CASZ1: variants seen among roughly 807,000 people sequenced by gnomAD.
CASZ1 encodes zinc finger protein castor homolog 1.
In CASZ1, 28 loss-of-function variants were observed where a neutral mutation model predicts 135.2. The ratio of observed to expected loss-of-function variants is 0.21; its 90% CI spans 0.15 to 0.28. The LOEUF is 0.28. Ranked by LOEUF, CASZ1 falls within the 10% of genes least tolerant of loss-of-function variation. CASZ1 has a pLI of 1.00. For missense variants in CASZ1, 2,161 were observed against 2,453.3 expected (o/e 0.88, Z 2.52); for synonymous variants, 1,068 against 1,073.4 (o/e 0.99, Z 0.10).
chr1:10,772,129 G>A (rs1270142996), intron 1 of CASZ1, among the ~76,000 whole-genome samples: 2 of 152,252 alleles, frequency 1.3e-5, no homozygotes, highest in Non-Finnish European at 2.9e-5. Flanking sequence ...GGCTTGGGCT[G>A]TTGTGAAACC....
rs990828536 is a variant in CASZ1, at chr1:10,666,568, C to T, written c.17-997G>A. On this transcript the variant is annotated intron_variant, in intron 4 of 20. Transcript: ENST00000377022. The surrounding 1 kb of genome is among the most constrained non-coding windows in gnomAD (Gnocchi z 5.2). ...CGCTTAGGTCCCTCACGGAACGCCC[C>T]GAAGCGCCGGTCACAGCACCTAATC... 2.6e-5 allele frequency among the ~76,000 whole-genome samples: 4 copies of T among 152,220 alleles called. No homozygotes were observed. The highest frequency in any genetic ancestry group is 4.1e-4 in the South Asian group (2 of 4,828).
chr1:10,705,705 C>T (rs963835282), intron 2 of CASZ1, 161 bp from the exon 3 acceptor site: 7 of 152,280 alleles, frequency 4.6e-5, no homozygotes, highest in East Asian at 1.9e-4. Context: ...TCAGGCATGC[C>T]GGGTGGGCTC....
In CASZ1 at chr1:10,684,683, C is replaced by G. The variant is rs375885785; in HGVS notation, c.16+9191G>C. On this transcript the variant is annotated intron_variant, in intron 4 of 20. Coordinates refer to ENST00000377022, the MANE Select transcript of CASZ1 (RefSeq NM_001079843.3). ...TGGTTGGTCATCCTATCGCGAGACA[C>G]CACGATGCTGACCACACAGTCTAAG... Among the ~76,000 whole-genome samples, 13 of 152,340 alleles carry G rather than the reference C, an allele frequency of 8.5e-5. No homozygotes were observed. The South Asian group carries it at 2.7e-3, about 32-fold the overall frequency.
At chr1:10,643,374 C>A in intron 18 of CASZ1, 63 bp from the exon 19 acceptor site, 1 of 1,559,024 alleles carries the variant, frequency 6.4e-7, no homozygotes, top group Non-Finnish European at 8.7e-7. Context: ...CTTCCAGGTC[C>A]TGTTGGGCAC....
rs1480483213 is a variant in CASZ1, at chr1:10,653,758, G to A, written c.2299C>T (p.Pro767Ser). ...ATEAGPSATK[P>S]PNSKISGLLP... ...AGCCCCGAGATCTTGCTGTTGGGAG[G>A]TTTGGTGGCACTGGGCCCAGCCTCG... Residue 767 changes from proline (P) to serine (S), a missense_variant, in exon 11 of 21, where the codon CCT becomes TCT. Around this residue, in one of 7 missense-constraint regions of CASZ1, gnomAD observed 406 missense variants for 387.6 expected, o/e 1.05. Transcript: ENST00000377022. The A allele has an allele frequency of 6.2e-7, 1 of 1,610,956 alleles. No homozygotes were observed. Among genetic ancestry groups the A allele is most frequent in the Admixed American group, 1.7e-5 (1 of 59,784 alleles).
chr1:10,758,489 A>C (rs1640302542), intron 2 of CASZ1, among the ~76,000 whole-genome samples: 1 of 151,948 alleles, frequency 6.6e-6, no homozygotes, highest in East Asian at 1.9e-4. Flanking sequence ...GCACCACTAT[A>C]CACGGCTAAT....
chr1:10,763,389 C>T (rs571921249), intron 1 of CASZ1, among the ~76,000 whole-genome samples: 7 of 152,306 alleles, frequency 4.6e-5, no homozygotes, highest in South Asian at 2.1e-4. Context: ...CCCTAGGTTC[C>T]GTCCCCTCAC....
chr1:10,714,463 C>T (rs1266558095), intron 2 of CASZ1, among the ~76,000 whole-genome samples: 4 of 152,240 alleles, frequency 2.6e-5, no homozygotes, highest in African/African-American at 4.8e-5. Context: ...CCTTCCACTA[C>T]GCCAGAGCCT....
rs1198790815 is a variant in CASZ1 at position 10,694,603 on chromosome 1, C to CCGT, written c.-23-692_-23-691insACG. 5 of 142,132 alleles carry CCGT rather than the reference C, an allele frequency of 3.5e-5. No individual in the cohort carries two copies. Among genetic ancestry groups the CCGT allele is most frequent in the Non-Finnish European group, 7.6e-5 (5 of 66,082 alleles). 8.8% of individuals were successfully genotyped at this position (142,132 alleles called of 1,614,324 possible). On this transcript the variant is annotated intron_variant, in intron 3 of 20. Coordinates refer to ENST00000377022, the MANE Select transcript of CASZ1 (RefSeq NM_001079843.3). The surrounding 1 kb of genome is among the most constrained non-coding windows in gnomAD (Gnocchi z 6.6). ...CGCGGCCCCGCCGCCGCCGCCGCCG[C>CCGT]CGCCGCCGCCGCCGCCGCCCGGTGC...
intron 1 of CASZ1, among the ~76,000 whole-genome samples, chr1:10,764,622 G>A (rs1640439373): frequency 6.6e-6 from 1 of 152,216 alleles, no homozygotes; most frequent in Admixed American, 6.5e-5. Flanking sequence ...GGCCTGGGCT[G>A]ACAGGCTCCA....
chr1:10,677,278 A>G (rs1321548753), intron 4 of CASZ1, among the ~76,000 whole-genome samples: 1 of 152,018 alleles, frequency 6.6e-6, no homozygotes, highest in Non-Finnish European at 1.5e-5. Context: ...GCCTCGCTGG[A>G]GCAGGAGGGG....
At chr1:10,691,783 G>C (rs183159093) in intron 4 of CASZ1, among the ~76,000 whole-genome samples, 99 of 152,312 alleles carry the variant, frequency 6.5e-4, no homozygotes, top group Admixed American at 3.9e-3. Context: ...TTGGTGAAGT[G>C]GGGGGAAGAC....
At chr1:10,673,455 G>A (rs746830299) in intron 4 of CASZ1, among the ~76,000 whole-genome samples, 12 of 151,800 alleles carry the variant, frequency 7.9e-5, no homozygotes, top group South Asian at 2.1e-4. Context: ...GTGCACACAC[G>A]CGCGTGCACG....
Position 10,670,305 on chromosome 1 carries a change from G to A in CASZ1, c.17-4734C>T, listed in dbSNP as rs536529906. On this transcript the variant is annotated intron_variant, in intron 4 of 20. Coordinates refer to ENST00000377022, the MANE Select transcript of CASZ1 (RefSeq NM_001079843.3). ...TCCCACATAAGGAAGCAAAGGCCGCGAGGCTGGTAGCTGCCCACAGTCAGT... is the reference window on the plus strand; with the variant it reads ...TCCCACATAAGGAAGCAAAGGCCGCAAGGCTGGTAGCTGCCCACAGTCAGT... Among the ~76,000 whole-genome samples the A allele has an allele frequency of 1.1e-4, 16 of 152,322 alleles. No individual in the cohort carries two copies. The South Asian group carries it at 2.7e-3, about 26-fold the overall frequency.
chr1:10,742,827 T>C (rs1457541618), intron 2 of CASZ1, among the ~76,000 whole-genome samples: 1 of 151,806 alleles, frequency 6.6e-6, no homozygotes, highest in Admixed American at 6.6e-5. Context: ...CTACTAAAAA[T>C]ACAAAAAATT....
chr1:10,789,580 G>A (rs867204707), intron 1 of CASZ1, among the ~76,000 whole-genome samples: 10 of 147,884 alleles, frequency 6.8e-5, no homozygotes, highest in Middle Eastern at 6.8e-3. Flanking sequence ...CTCTCTCCCC[G>A]CACCTTCACT....
At position 10,639,704 on chromosome 1, in the gene CASZ1, G is replaced by A. The variant is rs1326328335; in HGVS notation, c.4518C>T (p.Cys1506=). 7 of 1,594,930 alleles carry A rather than the reference G, an allele frequency of 4.4e-6. No individual in the cohort carries two copies. Among genetic ancestry groups the A allele is most frequent in the Middle Eastern group, 1.8e-4 (1 of 5,696 alleles). The change falls in exon 21 of 21, where the codon TGC becomes TGT. Residue 1506 remains cysteine (C), a synonymous_variant. Transcript: ENST00000377022. The surrounding 1 kb of genome is among the most constrained non-coding windows in gnomAD (Gnocchi z 4.0). The part of the protein sequence containing the change: ...KASLSCHFAD[C]PFSGTSTHFH... ...AGTGCGTGCTGGTGCCCGAGAAGGGGCAGTCGGCGAAGTGGCAGCTGAGTG... is the reference window on the plus strand; with the variant it reads ...AGTGCGTGCTGGTGCCCGAGAAGGGACAGTCGGCGAAGTGGCAGCTGAGTG...
At position 10,636,842 on chromosome 1, in the gene CASZ1, A is replaced by C. The variant is rs1009252275; in HGVS notation, c.*2100T>G. 1 of 151,270 alleles carries C rather than the reference A, an allele frequency of 6.6e-6. No individual in the cohort carries two copies. The highest frequency in any genetic ancestry group is 2.4e-5 in the African/African-American group (1 of 41,262). 9.4% of individuals were successfully genotyped at this position (151,270 alleles called of 1,614,324 possible). ...ATTTTTTTTGTCTCAAAACCTCTCT[A>C]TATATCTCTATATATCTATATATGT... On this transcript the variant is annotated 3_prime_UTR_variant, in exon 21 of 21. Coordinates refer to ENST00000377022, the MANE Select transcript of CASZ1 (RefSeq NM_001079843.3).
intron 1 of CASZ1, among the ~76,000 whole-genome samples, chr1:10,761,989 G>A (rs568924331): frequency 3.6e-4 from 55 of 152,274 alleles, no homozygotes; most frequent in Middle Eastern, 3.4e-3. Flanking sequence ...GCGTGTGAGC[G>A]GGCTGGGCCC....
Sources: allele counts gnomAD v4.1 joint callset (sites outside exome capture counted in the v4.1 genomes callset), GRCh38; gene constraint gnomAD v4.1.1; regional missense constraint gnomAD v4.1.1; non-coding constraint Gnocchi (gnomAD v3.1); transcripts MANE v1.5; gene names NCBI Gene and HGNC (gene_info 2026-07-23, HGNC 2026-07-21).